GRIP1: variants seen among roughly 807,000 people sequenced by gnomAD.
GRIP1 encodes glutamate receptor-interacting protein 1.
Under a neutral mutation model 129.9 loss-of-function variants are expected in GRIP1, and 45 were observed. The ratio of observed to expected loss-of-function variants is 0.35; its 90% CI spans 0.27 to 0.44. The LOEUF is 0.44. Among genes scored for constraint, GRIP1 ranks in the 20% least tolerant of loss-of-function variants. GRIP1 has a pLI of 1.00. For missense variants in GRIP1, 1,196 were observed against 1,396.8 expected (o/e 0.86, Z 2.29); for synonymous variants, 530 against 520.8 (o/e 1.02, Z -0.24).
At chr12:66,869,780 A>G (rs1457479572) in intron 1 of GRIP1, among the ~76,000 whole-genome samples, 2 of 152,182 alleles carry the variant, frequency 1.3e-5, no homozygotes, top group Non-Finnish European at 2.9e-5. Flanking sequence ...TCTTGTAAAG[A>G]TACAAGACAA....
intron 19 of GRIP1, among the ~76,000 whole-genome samples, chr12:66,381,434 C>G (rs566733581): frequency 1.3e-5 from 2 of 152,310 alleles, no homozygotes; most frequent in South Asian, 4.1e-4. Context: ...CCCTTCTGAA[C>G]CAATCAAACC....
chr12:66,460,994 C>T (rs893594896), intron 9 of GRIP1, among the ~76,000 whole-genome samples: 4 of 152,130 alleles, frequency 2.6e-5, no homozygotes, highest in Non-Finnish European at 4.4e-5. Context: ...TTTCAGTAAA[C>T]GTAGACGATG....
chr12:66,536,192 A>T (rs1021329807), intron 4 of GRIP1, among the ~76,000 whole-genome samples: 8 of 152,124 alleles, frequency 5.3e-5, no homozygotes, highest in African/African-American at 1.9e-4. Flanking sequence ...CACATGGATC[A>T]CTGTAACTGC....
intron 9 of GRIP1, among the ~76,000 whole-genome samples, chr12:66,461,132 A>G (rs946088917): frequency 6.6e-6 from 1 of 152,254 alleles, no homozygotes; most frequent in South Asian, 2.1e-4. Context: ...TTTAGTGTAT[A>G]AATTAAACTC....
At chr12:66,902,604 CA>C (rs1169586876) in intron 1 of GRIP1, among the ~76,000 whole-genome samples, 2 of 152,158 alleles carry the variant, frequency 1.3e-5, no homozygotes, top group Non-Finnish European at 2.9e-5. Flanking sequence ...TTGAGGTTAC[CA>C]AGTAGGCCAC....
At chr12:66,999,543 T>C (rs2042519959) in intron 1 of GRIP1, among the ~76,000 whole-genome samples, 2 of 152,010 alleles carry the variant, frequency 1.3e-5, no homozygotes, top group South Asian at 4.2e-4. Context: ...TATGAAGAAA[T>C]AAAGCAAAAT....
chr12:66,802,691 C>G (rs935104944), intron 1 of GRIP1, among the ~76,000 whole-genome samples: 2 of 152,152 alleles, frequency 1.3e-5, no homozygotes, highest in African/African-American at 4.8e-5. Flanking sequence ...TGCAAAAAAT[C>G]TGTACAATGT....
At chr12:66,994,973 G>A (rs1308557921) in intron 1 of GRIP1, among the ~76,000 whole-genome samples, 4 of 151,982 alleles carry the variant, frequency 2.6e-5, no homozygotes, top group African/African-American at 9.7e-5. Flanking sequence ...TAAGACAGTG[G>A]AGTGCTGACA....
intron 16 of GRIP1, among the ~76,000 whole-genome samples, chr12:66,399,136 C>G (rs1287494289): frequency 6.6e-6 from 1 of 151,922 alleles, no homozygotes; most frequent in East Asian, 1.9e-4. Flanking sequence ...CAAACCCAAT[C>G]TCATTCAAAG....
intron 20 of GRIP1, among the ~76,000 whole-genome samples, chr12:66,378,654 A>ATGT: frequency 5.3e-5 from 8 of 151,924 alleles, no homozygotes; most frequent in Non-Finnish European, 1.2e-4. Context: ...GGCTGAGACG[A>ATGT]GAATCACTCA....
At chr12:66,614,467 C>T (rs2064950005) in intron 1 of GRIP1, among the ~76,000 whole-genome samples, 1 of 152,122 alleles carries the variant, frequency 6.6e-6, no homozygotes, top group African/African-American at 2.4e-5. Flanking sequence ...TATGCAAGTT[C>T]TGTATGCTCT....
chr12:66,415,874 A>T (rs1271858765), intron 15 of GRIP1, among the ~76,000 whole-genome samples: 1 of 152,140 alleles, frequency 6.6e-6, no homozygotes, highest in Non-Finnish European at 1.5e-5. Context: ...AACGATGAGG[A>T]CACATGGACA....
rs2033742897 is a variant in GRIP1 at position 66,665,444 on chromosome 12, A to G, written c.55+13406T>C. 2.0e-5 allele frequency among the ~76,000 whole-genome samples: 3 copies of G among 152,208 alleles called. 1 individual carries two copies. The highest frequency in any genetic ancestry group is 4.1e-4 in the South Asian group (2 of 4,832). ...GAATAAGAAATAGCAGAGCTCTGGT[A>G]TCCCCATAAGTGTGTGTGTCCTCCC... On this transcript the variant is annotated intron_variant, in intron 1 of 24. Transcript: ENST00000359742.
At chr12:66,807,469 C>G (rs11176429), upstream of GRIP1, among the ~76,000 whole-genome samples, 47,784 of 151,870 alleles carry the variant, frequency 0.31, 8,160 homozygotes, top group South Asian at 0.4. Context: ...GTCAGGAGAT[C>G]GAGACCATCC....
chr12:66,541,898 G>A lies in GRIP1; in HGVS notation c.189C>T (p.Thr63=), dbSNP rs772928969. Residue 63 remains threonine, a synonymous_variant, in exon 3 of 25, where the codon ACC becomes ACT. Transcript: ENST00000359742. ...VVELMKKEGT[T]LGLTVSGGID... ...TTCCTCCCGATACCGTCAGACCCAG[G>A]GTAGTGCCTTCCTTCTTCATCAGCT... 4.3e-5 allele frequency: 69 copies of A among 1,613,776 alleles called. No homozygotes were observed. The highest frequency in any genetic ancestry group is 1.6e-4 in the Middle Eastern group (1 of 6,084).
intron 5 of GRIP1, among the ~76,000 whole-genome samples, chr12:66,522,470 G>C (rs1048077484): frequency 1.3e-5 from 2 of 152,186 alleles, no homozygotes; most frequent in South Asian, 2.1e-4. Context: ...CTGCAGCTGA[G>C]GGTCCTGTCT....
intron 1 of GRIP1, among the ~76,000 whole-genome samples, chr12:66,770,498 T>C (rs2037782811): frequency 2.6e-5 from 4 of 152,126 alleles, no homozygotes; most frequent in Admixed American, 1.3e-4. Flanking sequence ...GACAGACTTT[T>C]TTTAATCTTT....
chr12:66,426,839 G>A (rs1235890761), intron 14 of GRIP1, among the ~76,000 whole-genome samples: 1 of 152,114 alleles, frequency 6.6e-6, no homozygotes, highest in African/African-American at 2.4e-5. Context: ...AGCTTCCTGG[G>A]GGAAGAAGGC....
chr12:66,883,479 T>C (rs762224706), intron 1 of GRIP1, among the ~76,000 whole-genome samples: 2 of 152,176 alleles, frequency 1.3e-5, no homozygotes, highest in Non-Finnish European at 1.5e-5. Context: ...CATGTTTACA[T>C]TGTATTACAT....
Sources: gnomAD v4.1 joint callset for allele counts (sites outside exome capture counted in the v4.1 genomes callset) on GRCh38, gnomAD v4.1.1 for gene constraint, MANE v1.5 for transcripts, NCBI Gene and HGNC (gene_info 2026-07-23, HGNC 2026-07-21) for gene names.